The following ANKRD26 variants were observed in gnomAD, a reference collection of about 807,000 sequenced individuals.
ANKRD26 encodes ankyrin repeat domain-containing protein 26.
A neutral mutation model predicts 208.7 loss-of-function variants in ANKRD26; 141 were observed. The observed-to-expected ratio is 0.68, with a 90% CI of 0.59 to 0.78. The LOEUF (loss-of-function observed/expected upper bound fraction) is 0.78. Ranked by LOEUF, ANKRD26 falls within the 30% of genes least tolerant of loss-of-function variation. ANKRD26 has a pLI of 0.00. For missense variants in ANKRD26, 1,889 were observed against 1,938.7 expected, an observed-to-expected ratio of 0.97 and a Z score of 0.48; for synonymous variants, 636 against 660.4, an observed-to-expected ratio of 0.96 and a Z score of 0.57.
chr10:27,082,377 A>C (rs2055952785), intron 6 of ANKRD26, among the ~76,000 whole-genome samples: 1 of 152,204 alleles, frequency 6.6e-6, no homozygotes, highest in Non-Finnish European at 1.5e-5. Context: ...ACTAATTACC[A>C]CTGCAATTAT....
At chr10:27,080,553 A>G (rs912011014) in intron 6 of ANKRD26, 9 of 891,144 alleles carry the variant, frequency 1.0e-5, no homozygotes, top group Non-Finnish European at 1.2e-5. Flanking sequence ...TCAGATACCT[A>G]AAGAGAAAGA....
At chr10:26,991,167 C>T (rs180790904), downstream of ANKRD26, among the ~76,000 whole-genome samples, 1 of 152,300 alleles carries the variant, frequency 6.6e-6, no homozygotes, top group East Asian at 1.9e-4. Flanking sequence ...AGCAAATCGT[C>T]CCATCGTTTA....
At position 27,093,722 on chromosome 10, in the gene ANKRD26, T is replaced by C. The variant is rs756157730; in HGVS notation, c.320A>G (p.Asn107Ser). The part of the protein sequence containing the change: ...TLLVDRKCQL[N>S]VCDNENRTAL... ...TGTCCTGTTTTCGTTGTCACAGACATTGAGCTGGCATTTTCTGTCCACCAG... is the reference window on the plus strand; with the variant it reads ...TGTCCTGTTTTCGTTGTCACAGACACTGAGCTGGCATTTTCTGTCCACCAG... The change falls in exon 2 of 34, where the codon AAT (asparagine) becomes AGT (serine). Residue 107 changes from asparagine (N) to serine (S), a missense_variant. By Grantham distance (46) the Asn-to-Ser change is conservative. Around this residue, in one of 3 missense-constraint regions of ANKRD26, gnomAD observed 1,272 missense variants for 1,273.8 expected, o/e 1.00. Coordinates refer to ENST00000376087, the MANE Select transcript of ANKRD26 (RefSeq NM_014915.3). 1.9e-5 allele frequency: 31 copies of C among 1,614,126 alleles called. No homozygotes were observed. Among genetic ancestry groups the C allele is most frequent in the Middle Eastern group, 1.6e-4 (1 of 6,084 alleles).
chr10:27,015,607 T>C (rs2053262761), intron 30 of ANKRD26, among the ~76,000 whole-genome samples: 1 of 152,234 alleles, frequency 6.6e-6, no homozygotes. Context: ...TGTTACCACC[T>C]TGGCCTTGTA....
chr10:26,961,345 T>C, the ANKRD26 span, among the ~76,000 whole-genome samples: 1 of 152,104 alleles, frequency 6.6e-6, no homozygotes, highest in Admixed American at 6.6e-5. Flanking sequence ...TAAAATAGAA[T>C]AAAATAAAAT....
rs765777473 is a variant in ANKRD26, at chr10:27,060,395, GA to G, written c.1513del (p.Ser505LeufsTer9). Reference sequence around the variant, plus strand: ...CATTCCTCCTGCTTTATTTGGAACAGAATCTTTCATTTCAATGGTAGGCTGA... The same window carrying G: ...CATTCCTCCTGCTTTATTTGGAACAGATCTTTCATTTCAATGGTAGGCTGA... ...HLKPTIEMKD[S>X]VPNKAGGMKD... On this transcript the variant is annotated frameshift_variant, in exon 15 of 34. Coordinates refer to ENST00000376087, the MANE Select transcript of ANKRD26 (RefSeq NM_014915.3). LOFTEE classifies it high-confidence loss of function. The G allele has an allele frequency of 2.5e-6, 4 of 1,612,700 alleles. No individual in the cohort carries two copies. Among genetic ancestry groups the G allele is most frequent in the Non-Finnish European group, 3.4e-6 (4 of 1,179,052 alleles).
At chr10:27,074,572 TA>T (rs1476288694) in intron 9 of ANKRD26, among the ~76,000 whole-genome samples, 1 of 152,018 alleles carries the variant, frequency 6.6e-6, no homozygotes, top group Non-Finnish European at 1.5e-5. Context: ...TCCTAGCTAC[TA>T]GGGGGGCTGA....
At chr10:26,948,987 C>T in the ANKRD26 span, among the ~76,000 whole-genome samples, 2 of 151,764 alleles carry the variant, frequency 1.3e-5, no homozygotes, top group African/African-American at 4.8e-5. Flanking sequence ...AAGAGTGAAA[C>T]GCCATCTAAA....
intron 20 of ANKRD26, among the ~76,000 whole-genome samples, chr10:27,042,182 T>C (rs2054263482): frequency 6.6e-6 from 1 of 152,156 alleles, no homozygotes; most frequent in South Asian, 2.1e-4. Flanking sequence ...AAAGGCACAA[T>C]GGCAAATGCA....
intron 29 of ANKRD26, 69 bp from the exon 30 acceptor site, chr10:27,017,861 A>G (rs2053352281): frequency 6.9e-7 from 1 of 1,446,416 alleles, no homozygotes; most frequent in African/African-American, 1.4e-5. Context: ...CATAAAACCA[A>G]GAACAAATTT....
At chr10:27,062,759 T>C (rs533082582) in intron 12 of ANKRD26, among the ~76,000 whole-genome samples, 1 of 151,600 alleles carries the variant, frequency 6.6e-6, no homozygotes, top group East Asian at 1.9e-4. Context: ...GAAGTAACAC[T>C]TTCTTTCTTT....
At chr10:27,076,653 G>C (rs1323668188) in intron 9 of ANKRD26, among the ~76,000 whole-genome samples, 1 of 152,064 alleles carries the variant, frequency 6.6e-6, no homozygotes, top group African/African-American at 2.4e-5. Context: ...AAGTAGGAAT[G>C]AATGTGGAGA....
chr10:27,071,819 T>G (rs550135257), intron 9 of ANKRD26, among the ~76,000 whole-genome samples: 1 of 151,436 alleles, frequency 6.6e-6, no homozygotes, highest in Non-Finnish European at 1.5e-5. Context: ...AAGCCCTAAC[T>G]CCCCCCGCGC....
chr10:27,054,442 G>A (rs1449598000), intron 15 of ANKRD26, among the ~76,000 whole-genome samples: 5 of 152,018 alleles, frequency 3.3e-5, no homozygotes, highest in Non-Finnish European at 5.9e-5. Flanking sequence ...AAAATGAGCT[G>A]GGCGTGGTGG....
rs537639182 is a variant in ANKRD26, at chr10:27,073,246, G to C, written c.1077+4092C>G. ...CAGGTAGCCCTGGGGCATGTGAAGG[G>C]TCTTGGAGAAGAGAACTTCTCCCTC... On this transcript the variant is annotated intron_variant, in intron 9 of 33. Coordinates refer to ENST00000376087, the MANE Select transcript of ANKRD26 (RefSeq NM_014915.3). Among the ~76,000 whole-genome samples, 9 of 152,294 alleles carry C rather than the reference G, an allele frequency of 5.9e-5. No homozygotes were observed. In the South Asian group the frequency reaches 1.9e-3, roughly 32 times the overall value.
At chr10:27,091,263 T>C (rs548497532) in intron 4 of ANKRD26, among the ~76,000 whole-genome samples, 1 of 152,254 alleles carries the variant, frequency 6.6e-6, no homozygotes, top group East Asian at 1.9e-4. Context: ...GAAAACATAT[T>C]TGGTGATAAG....
chr10:26,972,727 A>G (rs2134592359), downstream of ANKRD26, among the ~76,000 whole-genome samples: 1 of 151,492 alleles, frequency 6.6e-6, no homozygotes, highest in East Asian at 2.0e-4. Flanking sequence ...AGCAGCTGGG[A>G]CTACAGGCGC....
intron 23 of ANKRD26, 24 bp downstream of exon 23, chr10:27,037,162 A>G: frequency 6.2e-7 from 1 of 1,610,032 alleles, no homozygotes; most frequent in Non-Finnish European, 8.5e-7. Context: ...CATATTTGAA[A>G]ATGACTAAAG....
At chr10:27,077,253 T>C (rs1040663390) in intron 9 of ANKRD26, 85 bp downstream of exon 9, 10 of 1,183,344 alleles carry the variant, frequency 8.5e-6, no homozygotes, top group African/African-American at 4.6e-5. Context: ...AAAAACTGTA[T>C]GATCATCTCA....
Sources: allele counts gnomAD v4.1 joint callset (sites outside exome capture counted in the v4.1 genomes callset), GRCh38; gene constraint gnomAD v4.1.1; regional missense constraint gnomAD v4.1.1; transcripts MANE v1.5; gene names NCBI Gene and HGNC (gene_info 2026-07-23, HGNC 2026-07-21).